The following ROBO1 variants were observed in gnomAD, a reference collection of about 807,000 sequenced individuals.
The protein encoded by ROBO1 is roundabout homolog 1.
ROBO1 carries 149 observed loss-of-function variants against 195.9 expected under a neutral mutation model. That is an observed-to-expected ratio of 0.76 (90% confidence interval 0.67 to 0.87). The LOEUF (loss-of-function observed/expected upper bound fraction) is 0.87, where lower values mean the gene tolerates loss of function less well. ROBO1 is among the 40% of genes least tolerant of loss of function. The pLI is 0.00. For missense variants in ROBO1, 1,933 were observed against 2,068.3 expected, an observed-to-expected ratio of 0.93 and a Z score of 1.27; for synonymous variants, 816 against 733.2, an observed-to-expected ratio of 1.11 and a Z score of -1.82.
intron 2 of ROBO1, among the ~76,000 whole-genome samples, chr3:79,469,528 T>A (rs1221616147): frequency 6.6e-6 from 1 of 152,182 alleles, no homozygotes; most frequent in African/African-American, 2.4e-5. Context: ...TTCATGTATA[T>A]TATGAGTTTT....
intron 3 of ROBO1, among the ~76,000 whole-genome samples, chr3:78,980,808 C>G (rs766098946): frequency 1.3e-5 from 2 of 152,052 alleles, no homozygotes; most frequent in Non-Finnish European, 2.9e-5. Flanking sequence ...AAAACTTACA[C>G]CCCTGGTAAA....
At chr3:79,052,766 TC>T (rs2108371263) in intron 3 of ROBO1, among the ~76,000 whole-genome samples, 1 of 152,232 alleles carries the variant, frequency 6.6e-6, no homozygotes, top group South Asian at 2.1e-4. Context: ...ACATGGTCTT[TC>T]TTTTTTCCCA....
intron 3 of ROBO1, among the ~76,000 whole-genome samples, chr3:78,950,191 G>T (rs2040694191): frequency 6.6e-6 from 1 of 152,030 alleles, no homozygotes; most frequent in Admixed American, 6.6e-5. Flanking sequence ...AAATCATGCT[G>T]CTATAAAGAC....
chr3:79,283,742 G>C (rs1443167028), intron 2 of ROBO1, among the ~76,000 whole-genome samples: 3 of 149,036 alleles, frequency 2.0e-5, no homozygotes, highest in African/African-American at 5.0e-5. Context: ...CTGTCGCCCA[G>C]GCTGGAGTGC....
At chr3:79,143,403 A>C (rs2108618124) in intron 2 of ROBO1, among the ~76,000 whole-genome samples, 1 of 152,208 alleles carries the variant, frequency 6.6e-6, no homozygotes. Flanking sequence ...ATAGTGAATG[A>C]AATAACACAG....
At chr3:79,540,725 T>C (rs1330094559) in intron 2 of ROBO1, among the ~76,000 whole-genome samples, 1 of 152,164 alleles carries the variant, frequency 6.6e-6, no homozygotes, top group African/African-American at 2.4e-5. Context: ...GTTTCTTCTT[T>C]AATCTGTTCC....
At chr3:79,416,405 A>G (rs1485669906) in intron 2 of ROBO1, among the ~76,000 whole-genome samples, 1 of 151,302 alleles carries the variant, frequency 6.6e-6, no homozygotes, top group Non-Finnish European at 1.5e-5. Flanking sequence ...GGAGTTCAAA[A>G]CCAGCCTGGG....
chr3:79,302,195 C>T (rs2032993712), intron 2 of ROBO1, among the ~76,000 whole-genome samples: 1 of 152,154 alleles, frequency 6.6e-6, no homozygotes, highest in South Asian at 2.1e-4. Context: ...CTCTCTTTCG[C>T]ATGCACGACT....
At chr3:78,913,008 C>T (rs949146946) in intron 4 of ROBO1, among the ~76,000 whole-genome samples, 2 of 152,028 alleles carry the variant, frequency 1.3e-5, no homozygotes, top group African/African-American at 2.4e-5. Flanking sequence ...TAAAGAAGCA[C>T]AGATTTTTTG....
At chr3:79,094,391 T>A (rs1030054565) in intron 3 of ROBO1, among the ~76,000 whole-genome samples, 3 of 152,050 alleles carry the variant, frequency 2.0e-5, no homozygotes, top group Admixed American at 6.6e-5. Context: ...AGAGTATAAG[T>A]CAGAAAGATT....
Position 78,661,160 on chromosome 3 carries a change from C to A in ROBO1, c.2190G>T (p.Thr730=). Residue 730 remains threonine, a synonymous_variant, in exon 16 of 31, where the codon ACG becomes ACT. Transcript: ENST00000464233. ...ESDWLVFEVR[T]PAKNSVVIPD... is the part of the protein sequence containing the mutation. ...GGATTACCACACTGTTTTTGGCTGG[C>A]GTCCTCACTTCAAAAACTAACCAGT... The A allele has an allele frequency of 1.2e-6, 2 of 1,613,582 alleles. No homozygotes were observed. The highest frequency in any genetic ancestry group is 2.2e-5 in the East Asian group (1 of 44,860).
At chr3:78,922,319 T>C (rs1576405183) in intron 4 of ROBO1, among the ~76,000 whole-genome samples, 1 of 151,908 alleles carries the variant, frequency 6.6e-6, no homozygotes, top group Non-Finnish European at 1.5e-5. Context: ...CAGGCTTCAT[T>C]TCTGCCAAAA....
intron 2 of ROBO1, among the ~76,000 whole-genome samples, chr3:79,261,163 T>C (rs564496128): frequency 1.1e-4 from 16 of 152,218 alleles, no homozygotes; most frequent in Admixed American, 2.0e-4. Flanking sequence ...TCAAGGAACA[T>C]AGTATTTTTT....
In ROBO1 at chr3:79,395,755, CTT is replaced by C. The variant is rs1248863594; in HGVS notation, c.88+194067_88+194068del. On this transcript the variant is annotated intron_variant, in intron 2 of 30. Coordinates refer to ENST00000464233, the MANE Select transcript of ROBO1 (RefSeq NM_002941.4). ...GTGTTTCCTAAATTATTTTTAAAAA[CTT>C]TCATAAAGACCTCTTTATTTGCTGT... Among the ~76,000 whole-genome samples, 6 of 152,082 alleles carry C rather than the reference CTT, an allele frequency of 3.9e-5. No individual in the cohort carries two copies. In the East Asian group the frequency reaches 9.7e-4, roughly 25 times the overall value.
At chr3:79,765,989 T>A (rs761896825) in intron 1 of ROBO1, among the ~76,000 whole-genome samples, 1 of 151,206 alleles carries the variant, frequency 6.6e-6, no homozygotes, top group Non-Finnish European at 1.5e-5. Flanking sequence ...CACAGAGGAG[T>A]TTACAAGGTC....
At chr3:78,836,244 G>A (rs1426026351) in intron 4 of ROBO1, among the ~76,000 whole-genome samples, 3 of 151,976 alleles carry the variant, frequency 2.0e-5, no homozygotes, top group Admixed American at 2.0e-4. Context: ...CGGGGGCAGT[G>A]GCTCATGCCT....
chr3:79,278,788 T>G (rs1250077729), intron 2 of ROBO1, among the ~76,000 whole-genome samples: 2 of 152,000 alleles, frequency 1.3e-5, no homozygotes, highest in African/African-American at 4.8e-5. Flanking sequence ...GGAAAAGATT[T>G]TATGAATAAG....
intron 10 of ROBO1, among the ~76,000 whole-genome samples, chr3:78,681,830 A>C (rs1656326533): frequency 6.6e-6 from 1 of 152,172 alleles, no homozygotes; most frequent in African/African-American, 2.4e-5. Flanking sequence ...TGAACCTGGG[A>C]GGCGGAGCTT....
At chr3:79,747,671 A>G (rs1703935684) in intron 1 of ROBO1, among the ~76,000 whole-genome samples, 1 of 152,066 alleles carries the variant, frequency 6.6e-6, no homozygotes, top group Non-Finnish European at 1.5e-5. Context: ...TAGTCACCCC[A>G]CAAACTAAAA....
Sources: gnomAD v4.1 joint callset for allele counts (sites outside exome capture counted in the v4.1 genomes callset) on GRCh38, gnomAD v4.1.1 for gene constraint, MANE v1.5 for transcripts, NCBI Gene and HGNC (gene_info 2026-07-23, HGNC 2026-07-21) for gene names.